RAD51B: variants seen among roughly 807,000 people sequenced by gnomAD.
RAD51B encodes the protein DNA repair protein RAD51 homolog 2.
In RAD51B, 38 loss-of-function variants were observed where a neutral mutation model predicts 42.2. That is an observed-to-expected ratio of 0.90 (90% CI 0.70 to 1.18). The LOEUF (loss-of-function observed/expected upper bound fraction) is 1.18. RAD51B is among the 50% of genes most tolerant of loss of function. The probability of loss-of-function intolerance (pLI) is 0.00; values close to 1 mark genes in which losing one functional copy is unlikely to be tolerated. For missense variants in RAD51B, 373 were observed against 400.7 expected (o/e 0.93, Z 0.59); for synonymous variants, 154 against 145.2 (o/e 1.06, Z -0.43).
intron 10 of RAD51B, among the ~76,000 whole-genome samples, chr14:68,574,497 C>T (rs1889871644): frequency 6.6e-6 from 1 of 152,216 alleles, no homozygotes; most frequent in South Asian, 2.1e-4. Context: ...CCAACTGAGA[C>T]ATCTTTGTGG....
chr14:68,662,599 T>C (rs896439147), intron 11 of RAD51B, among the ~76,000 whole-genome samples: 15 of 152,192 alleles, frequency 9.9e-5, no homozygotes, highest in South Asian at 4.1e-4. Context: ...GCCCTCCTTG[T>C]TCTCAAGAGA....
At chr14:68,004,011 G>A (rs2075533707) in intron 7 of RAD51B, among the ~76,000 whole-genome samples, 1 of 152,044 alleles carries the variant, frequency 6.6e-6, no homozygotes, top group Admixed American at 6.5e-5. Context: ...CTTTTGTAGT[G>A]TTAAATCATC....
intron 8 of RAD51B, among the ~76,000 whole-genome samples, chr14:68,301,232 T>C (rs770919803): frequency 8.5e-5 from 13 of 152,122 alleles, no homozygotes; most frequent in Non-Finnish European, 1.8e-4. Context: ...AGAAATCCAG[T>C]GGACAGGTTT....
intron 8 of RAD51B, among the ~76,000 whole-genome samples, chr14:68,318,662 C>T (rs894769268): frequency 1.3e-4 from 20 of 152,300 alleles, no homozygotes; most frequent in Middle Eastern, 3.4e-3. Context: ...GGACCTCCCT[C>T]TCTGGGGTCA....
intron 10 of RAD51B, among the ~76,000 whole-genome samples, chr14:68,514,349 GA>G (rs1885974771): frequency 6.6e-6 from 1 of 152,188 alleles, no homozygotes; most frequent in Non-Finnish European, 1.5e-5. Flanking sequence ...ATGCAGTCTG[GA>G]GATTTTGGCC....
chr14:68,235,690 C>T (rs1448651673), intron 7 of RAD51B, among the ~76,000 whole-genome samples: 2 of 109,180 alleles, frequency 1.8e-5, no homozygotes, highest in African/African-American at 3.7e-5. Context: ...GGCGACAGAG[C>T]GAGACTCCGT....
At chr14:68,195,918 AAAAAAAAC>A (rs1361812546) in intron 7 of RAD51B, among the ~76,000 whole-genome samples, 1 of 128,746 alleles carries the variant, frequency 7.8e-6, no homozygotes, top group Non-Finnish European at 1.7e-5. Flanking sequence ...CAAAAAAAAA[AAAAAAAAC>A]AACAATTAGG....
chr14:68,044,360 A>G (rs1274032666), intron 7 of RAD51B, among the ~76,000 whole-genome samples: 1 of 152,206 alleles, frequency 6.6e-6, no homozygotes, highest in Non-Finnish European at 1.5e-5. Context: ...GGGGTGAATA[A>G]GTTATAAGAG....
At chr14:68,542,560 G>A (rs539365212) in intron 10 of RAD51B, among the ~76,000 whole-genome samples, 9 of 152,212 alleles carry the variant, frequency 5.9e-5, no homozygotes, top group East Asian at 3.9e-4. Context: ...ACCATTTGCC[G>A]CCTCTGCAAT....
At chr14:68,222,331 G>A (rs2079946374) in intron 7 of RAD51B, among the ~76,000 whole-genome samples, 3 of 152,184 alleles carry the variant, frequency 2.0e-5, no homozygotes, top group Admixed American at 2.0e-4. Flanking sequence ...ATATACCATG[G>A]AGTACTACTC....
At chr14:68,492,919 C>T (rs1884192533) in intron 10 of RAD51B, among the ~76,000 whole-genome samples, 1 of 152,194 alleles carries the variant, frequency 6.6e-6, no homozygotes, top group Admixed American at 6.5e-5. Flanking sequence ...ATTTAGATAG[C>T]TTGCTTAATG....
intron 7 of RAD51B, among the ~76,000 whole-genome samples, chr14:68,132,169 A>T (rs1220749740): frequency 6.6e-6 from 1 of 152,194 alleles, no homozygotes; most frequent in African/African-American, 2.4e-5. Context: ...GGCTTGGGTC[A>T]TATGTTCACT....
intron 7 of RAD51B, among the ~76,000 whole-genome samples, chr14:67,923,200 TC>T (rs999310620): frequency 6.6e-6 from 1 of 152,156 alleles, no homozygotes; most frequent in African/African-American, 2.4e-5. Context: ...TGCCATTGTT[TC>T]ATTTGTTTTT....
At chr14:68,546,709 T>TG (rs1390991631) in intron 10 of RAD51B, among the ~76,000 whole-genome samples, 1 of 151,474 alleles carries the variant, frequency 6.6e-6, no homozygotes, top group East Asian at 1.9e-4. Context: ...AAAGAGGAGC[T>TG]GGGGGGAGGA....
intron 7 of RAD51B, among the ~76,000 whole-genome samples, chr14:67,914,462 C>G (rs2044087550): frequency 1.3e-5 from 2 of 152,152 alleles, no homozygotes; most frequent in Non-Finnish European, 2.9e-5. Context: ...TACCACATTT[C>G]TTTATCCATT....
intron 6 of RAD51B, 122 bp downstream of exon 6, chr14:67,886,110 C>T: frequency 1.3e-6 from 1 of 771,180 alleles, no homozygotes; most frequent in Non-Finnish European, 1.9e-6. Context: ...GTAACTTTTT[C>T]AGTGTTCTTC....
At chr14:68,659,861 A>G (rs1205650204) in intron 11 of RAD51B, among the ~76,000 whole-genome samples, 2 of 152,250 alleles carry the variant, frequency 1.3e-5, no homozygotes, top group Non-Finnish European at 2.9e-5. Flanking sequence ...AGGCATCAGT[A>G]GGACTGACAA....
chr14:68,177,754 A>C (rs1275526037), intron 7 of RAD51B, among the ~76,000 whole-genome samples: 1 of 152,138 alleles, frequency 6.6e-6, no homozygotes, highest in Non-Finnish European at 1.5e-5. Flanking sequence ...TTAACTCTCC[A>C]GCCGAGATGT....
chr14:67,901,234 G>A (rs2043602290), intron 7 of RAD51B, among the ~76,000 whole-genome samples: 3 of 152,182 alleles, frequency 2.0e-5, no homozygotes, highest in Admixed American at 2.0e-4. Context: ...GAGTGCCTAA[G>A]CGAAAGCCAC....
Sources: allele counts gnomAD v4.1 joint callset (sites outside exome capture counted in the v4.1 genomes callset), GRCh38; gene constraint gnomAD v4.1.1; transcripts MANE v1.5; gene names NCBI Gene and HGNC (gene_info 2026-07-23, HGNC 2026-07-21).